Variants in RYK observed in about 807,000 individuals in gnomAD.
RYK encodes inactive tyrosine-protein kinase RYK.
A neutral mutation model predicts 70.2 loss-of-function variants in RYK; 21 were observed. The ratio of observed to expected loss-of-function variants is 0.30; its 90% CI spans 0.21 to 0.43. The LOEUF (loss-of-function observed/expected upper bound fraction) is 0.43. RYK is among the 20% of genes least tolerant of loss of function. RYK has a pLI of 1.00. For synonymous variants in RYK, 267 were observed against 278.0 expected, an observed-to-expected ratio of 0.96 and a Z score of 0.39; for missense variants, 604 against 753.3, an observed-to-expected ratio of 0.80 and a Z score of 2.32.
intron 3 of RYK, among the ~76,000 whole-genome samples, chr3:134,210,709 T>C (rs1244107509): frequency 6.6e-6 from 1 of 152,210 alleles, no homozygotes; most frequent in Non-Finnish European, 1.5e-5. Context: ...GTGTAAATAA[T>C]ACACTTATTC....
chr3:134,207,439 A>G, intron 5 of RYK, 33 bp downstream of exon 5: 1 of 1,408,748 alleles, frequency 7.1e-7, no homozygotes, highest in Admixed American at 2.5e-5. Flanking sequence ...TTTCATTTCT[A>G]ATAATGGATA....
At chr3:134,164,770 T>C (rs950282653) in intron 13 of RYK, among the ~76,000 whole-genome samples, 9 of 152,270 alleles carry the variant, frequency 5.9e-5, no homozygotes, top group Non-Finnish European at 1.2e-4. Context: ...TGACTGAATA[T>C]GGTACATACA....
chr3:134,164,566 T>C (rs4854619), intron 13 of RYK, among the ~76,000 whole-genome samples: 113,892 of 152,184 alleles, frequency 0.75, 43,300 homozygotes, highest in East Asian at 0.99. Context: ...GAGATTCATC[T>C]GTGATGTAGC....
Position 134,210,442 on chromosome 3 carries a change from C to T in RYK, c.455-613G>A, listed in dbSNP as rs116510386. ...AGATTCTTTTCCTACAAATTTAAAA[C>T]CTATCATTCTACCATCTGTATGACT... On this transcript the variant is annotated intron_variant, in intron 3 of 14. Transcript: ENST00000623711. Among the ~76,000 whole-genome samples, 932 of 152,248 alleles carry T rather than the reference C, an allele frequency of 6.1e-3. 3 individuals carry two copies. The highest frequency in any genetic ancestry group is 8.6e-3 in the Non-Finnish European group (587 of 68,000).
At chr3:134,236,867 G>GTA (rs1373041570) in intron 1 of RYK, among the ~76,000 whole-genome samples, 1 of 152,114 alleles carries the variant, frequency 6.6e-6, no homozygotes, top group East Asian at 1.9e-4. Flanking sequence ...AACTAAAGAG[G>GTA]TAGCATTTTG....
chr3:134,167,807 C>T (rs537609071), intron 13 of RYK, among the ~76,000 whole-genome samples: 7 of 152,186 alleles, frequency 4.6e-5, no homozygotes, highest in South Asian at 2.1e-4. Context: ...TTCTGCACAG[C>T]GAAAGAAGCT....
intron 13 of RYK, among the ~76,000 whole-genome samples, chr3:134,161,928 A>C (rs191569728): frequency 8.5e-5 from 13 of 152,326 alleles, no homozygotes; most frequent in Admixed American, 7.2e-4. Flanking sequence ...TGATAGCTAG[A>C]AGTCCAAATC....
chr3:134,178,304 A>T, intron 10 of RYK: 1 of 381,134 alleles, frequency 2.6e-6, no homozygotes, highest in Non-Finnish European at 4.6e-6. Context: ...AAAAATCATA[A>T]ACTCAAAGTT....
At chr3:134,250,193 G>A (rs1219042443) in intron 1 of RYK, among the ~76,000 whole-genome samples, 1 of 152,136 alleles carries the variant, frequency 6.6e-6, no homozygotes, top group East Asian at 1.9e-4. Context: ...GGTCTATCGC[G>A]GCGGGGCAGC....
intron 8 of RYK, among the ~76,000 whole-genome samples, chr3:134,189,308 C>G (rs1576511748): frequency 6.6e-6 from 1 of 152,106 alleles, no homozygotes; most frequent in Non-Finnish European, 1.5e-5. Context: ...TCCTCTCTAC[C>G]GCAGAGCCTT....
In RYK at chr3:134,157,358, T is replaced by C. The variant is rs929601014; in HGVS notation, c.*795A>G. 1 of 152,286 alleles carries C rather than the reference T, an allele frequency of 6.6e-6. No homozygotes were observed. Among genetic ancestry groups the C allele is most frequent in the African/African-American group, 2.4e-5 (1 of 41,464 alleles). The allele number at this position is 152,286 out of a possible 1,614,324, so 9.4% of individuals were successfully genotyped here. A position where few individuals can be genotyped will look rare whatever the true frequency, so the allele number is the denominator to read the frequency against. ...ACTTTCTGGAATTGTATTATCTCCT[T>C]TTCCAGAGAGTAAAAATAAATAAAA... is the stretch of plus-strand genomic sequence containing the variant. On this transcript the variant is annotated 3_prime_UTR_variant, in exon 15 of 15. Coordinates refer to ENST00000623711, the MANE Select transcript of RYK (RefSeq NM_002958.4).
chr3:134,206,878 AT>A (rs1280007101), intron 5 of RYK, among the ~76,000 whole-genome samples: 1 of 152,058 alleles, frequency 6.6e-6, no homozygotes, highest in Non-Finnish European at 1.5e-5. Flanking sequence ...TTCAAAACCA[AT>A]TTTTTAAAGT....
At chr3:134,163,790 G>A (rs2012563696) in intron 13 of RYK, among the ~76,000 whole-genome samples, 1 of 152,082 alleles carries the variant, frequency 6.6e-6, no homozygotes, top group South Asian at 2.1e-4. Context: ...GTGGTCCATG[G>A]CTAGGCCTTT....
chr3:134,172,276 A>C (rs1273009984), intron 13 of RYK, among the ~76,000 whole-genome samples: 1 of 152,218 alleles, frequency 6.6e-6, no homozygotes, highest in African/African-American at 2.4e-5. Flanking sequence ...TTCTACATTT[A>C]AAAATGTTTA....
intron 7 of RYK, among the ~76,000 whole-genome samples, chr3:134,192,889 A>G (rs1264587928): frequency 6.6e-6 from 1 of 152,190 alleles, no homozygotes; most frequent in East Asian, 1.9e-4. Flanking sequence ...GTGTGTGAGT[A>G]TATGTGAATG....
intron 1 of RYK, among the ~76,000 whole-genome samples, chr3:134,237,154 C>T (rs1198361514): frequency 6.6e-6 from 1 of 152,134 alleles, no homozygotes; most frequent in East Asian, 1.9e-4. Flanking sequence ...ATTTCAAGGT[C>T]TGTGATCCAC....
At chr3:134,214,491 AAAG>A (rs910350498) in intron 2 of RYK, among the ~76,000 whole-genome samples, 1 of 152,098 alleles carries the variant, frequency 6.6e-6, no homozygotes, top group Non-Finnish European at 1.5e-5. Flanking sequence ...CCCAAGCCCT[AAAG>A]AAGGCAACAT....
At chr3:134,191,711 T>C in intron 8 of RYK, 138 bp downstream of exon 8, 1 of 647,580 alleles carries the variant, frequency 1.5e-6, no homozygotes, top group Non-Finnish European at 2.4e-6. Context: ...ATAATTTTTA[T>C]AAAAGAAAAA....
intron 2 of RYK, 107 bp from the exon 3 acceptor site, chr3:134,211,714 T>C: frequency 1.5e-6 from 1 of 674,656 alleles, no homozygotes; most frequent in South Asian, 1.9e-5. Context: ...GCCTTTCATA[T>C]GTACAAATAA....
Sources: gnomAD v4.1 joint callset for allele counts (sites outside exome capture counted in the v4.1 genomes callset) on GRCh38, gnomAD v4.1.1 for gene constraint, MANE v1.5 for transcripts, NCBI Gene and HGNC (gene_info 2026-07-23, HGNC 2026-07-21) for gene names.